The following DAPK1 variants were observed in gnomAD, a reference collection of about 807,000 sequenced individuals.
The protein encoded by DAPK1 is death associated protein kinase 1.
Under a neutral mutation model 144.9 loss-of-function variants are expected in DAPK1, and 56 were observed. The observed-to-expected ratio is 0.39, with a 90% CI of 0.31 to 0.48. DAPK1 has a LOEUF of 0.48. DAPK1 is among the 20% of genes least tolerant of loss of function. The probability of loss-of-function intolerance (pLI) is 0.95; values close to 1 mark genes in which losing one functional copy is unlikely to be tolerated. For synonymous variants in DAPK1, 690 were observed against 749.0 expected (o/e 0.92, Z 1.29); for missense variants, 1,454 against 1,875.4 (o/e 0.78, Z 4.15).
chr9:87,708,069 G>C lies in DAPK1; in HGVS notation c.*705G>C. On this transcript the variant is annotated 3_prime_UTR_variant, in exon 26 of 26. Coordinates refer to ENST00000408954, the MANE Select transcript of DAPK1 (RefSeq NM_004938.4). Reference sequence around the variant, plus strand: ...TTTTCTGTTTTGTTTGGCAAGGAAAGGGGAGAAGGGAATCCTCCTCCAGGG... The same window carrying C: ...TTTTCTGTTTTGTTTGGCAAGGAAACGGGAGAAGGGAATCCTCCTCCAGGG... 1 of 302,550 alleles carries C rather than the reference G, an allele frequency of 3.3e-6. No individual in the cohort carries two copies. Among genetic ancestry groups the C allele is most frequent in the East Asian group, 8.8e-5 (1 of 11,344 alleles). 18.7% of individuals were successfully genotyped at this position (302,550 alleles called of 1,614,324 possible).
Position 87,660,366 on chromosome 9 carries a change from G to A in DAPK1, c.1923+2239G>A, listed in dbSNP as rs543665082. Reference sequence around the variant, plus strand: ...AAACGTGACCACACCACATCCCTCGGTTTAAGTTTCCTAGCAGCCACATGG... The same window carrying A: ...AAACGTGACCACACCACATCCCTCGATTTAAGTTTCCTAGCAGCCACATGG... On this transcript the variant is annotated intron_variant, in intron 18 of 25. Transcript: ENST00000408954. Among the ~76,000 whole-genome samples, 274 of 152,206 alleles carry A rather than the reference G, an allele frequency of 1.8e-3. 1 individual carries two copies. The highest frequency in any genetic ancestry group is 6.2e-3 in the African/African-American group (259 of 41,538).
chr9:87,592,101 G>T (rs36206045), intron 2 of DAPK1, among the ~76,000 whole-genome samples: 2 of 152,134 alleles, frequency 1.3e-5, no homozygotes, highest in Admixed American at 6.5e-5. Context: ...CAGTGTTTCC[G>T]TATCACTGCA....
chr9:87,662,560 GTTTTTTTTT>G (rs71507734), intron 18 of DAPK1, among the ~76,000 whole-genome samples: 11 of 32,136 alleles, frequency 3.4e-4, no homozygotes, highest in East Asian at 2.8e-3. Flanking sequence ...TATATTCCTA[GTTTTTTTTT>G]TTTTTTTTTT....
chr9:87,613,235 A>G (rs953355086), intron 3 of DAPK1, among the ~76,000 whole-genome samples: 1 of 152,212 alleles, frequency 6.6e-6, no homozygotes, highest in African/African-American at 2.4e-5. Context: ...CATACAGTTT[A>G]CCATCTTAAC....
At chr9:87,613,228 A>G (rs1828988626) in intron 3 of DAPK1, among the ~76,000 whole-genome samples, 1 of 152,244 alleles carries the variant, frequency 6.6e-6, no homozygotes, top group Admixed American at 6.5e-5. Context: ...AAAACAACAT[A>G]CAGTTTACCA....
chr9:87,570,775 A>C (rs1197223958), intron 2 of DAPK1, among the ~76,000 whole-genome samples: 1 of 138,344 alleles, frequency 7.2e-6, no homozygotes, highest in Admixed American at 7.7e-5. Context: ...GATTCCCCAG[A>C]TTTCAGGAAC....
Position 87,648,888 on chromosome 9 carries a change from T to A in DAPK1, c.1428+9T>A, listed in dbSNP as rs372610033. ...CCAATATCCAGGACAAGGTGGGTCG[T>A]GACTGACATCCTCCCTTCCTCTGCT... is the stretch of plus-strand genomic sequence containing the variant. On this transcript the variant is annotated intron_variant, in intron 15 of 25. Coordinates refer to ENST00000408954, the MANE Select transcript of DAPK1 (RefSeq NM_004938.4). The A allele has an allele frequency of 6.2e-7, 1 of 1,610,406 alleles. No individual in the cohort carries two copies. The highest frequency in any genetic ancestry group is 1.3e-5 in the African/African-American group (1 of 74,986).
At chr9:87,610,764 A>G (rs1828894756) in intron 3 of DAPK1, among the ~76,000 whole-genome samples, 2 of 152,248 alleles carry the variant, frequency 1.3e-5, no homozygotes, top group Admixed American at 6.5e-5. Flanking sequence ...GACAGCCACC[A>G]ATCAGTTGAT....
At chr9:87,571,254 T>C (rs1487138505) in intron 2 of DAPK1, among the ~76,000 whole-genome samples, 1 of 152,034 alleles carries the variant, frequency 6.6e-6, no homozygotes, top group African/African-American at 2.4e-5. Context: ...TGTTTCTCTC[T>C]GCAGAGTCAG....
chr9:87,527,052 G>T lies in DAPK1; in HGVS notation c.62+27913G>T, dbSNP rs36230222. On this transcript the variant is annotated intron_variant, in intron 2 of 25. Transcript: ENST00000408954. ...TGACTGTGAAAGAGGACACCTGAAGGTGAAGGACCCATGACATTGTTAATT... is the reference window on the plus strand; with the variant it reads ...TGACTGTGAAAGAGGACACCTGAAGTTGAAGGACCCATGACATTGTTAATT... 3.2e-3 allele frequency among the ~76,000 whole-genome samples: 483 copies of T among 152,322 alleles called. 2 individuals are homozygous for T. Among genetic ancestry groups the T allele is most frequent in the African/African-American group, 0.011 (448 of 41,570 alleles).
intron 18 of DAPK1, among the ~76,000 whole-genome samples, chr9:87,665,424 A>G (rs552080413): frequency 6.6e-6 from 1 of 152,348 alleles, no homozygotes; most frequent in Non-Finnish European, 1.5e-5. Flanking sequence ...ATAATTCTGT[A>G]GGTTAACAAA....
At chr9:87,527,105 T>G (rs906815948) in intron 2 of DAPK1, among the ~76,000 whole-genome samples, 1 of 152,182 alleles carries the variant, frequency 6.6e-6, no homozygotes, top group Non-Finnish European at 1.5e-5. Flanking sequence ...GGAAACAAAA[T>G]TCCATAAACA....
chr9:87,698,856 A>T, intron 23 of DAPK1, 62 bp downstream of exon 23: 1 of 1,036,730 alleles, frequency 9.6e-7, no homozygotes, highest in Non-Finnish European at 1.5e-6. Flanking sequence ...GAACTGAAGC[A>T]GAGGTGTGAA....
chr9:87,552,690 T>TA (rs1222086444), intron 2 of DAPK1, among the ~76,000 whole-genome samples: 1 of 152,092 alleles, frequency 6.6e-6, no homozygotes, highest in East Asian at 1.9e-4. Flanking sequence ...CTTCTGGGCT[T>TA]AGGTGATCCT....
rs180983599 is a variant in DAPK1, at chr9:87,526,782, A to C, written c.62+27643A>C. Among the ~76,000 whole-genome samples the C allele has an allele frequency of 1.8e-3, 270 of 152,336 alleles. 2 individuals are homozygous for C. Among genetic ancestry groups the C allele is most frequent in the African/African-American group, 6.3e-3 (261 of 41,568 alleles). ...GTCGCCGTGCCCAAGTCTGATTGAC[A>C]GCTAACCATTCAGCCATCCTTGGTT... On this transcript the variant is annotated intron_variant, in intron 2 of 25. Coordinates refer to ENST00000408954, the MANE Select transcript of DAPK1 (RefSeq NM_004938.4).
chr9:87,630,290 A>G (rs1481144238), intron 3 of DAPK1, among the ~76,000 whole-genome samples: 1 of 152,236 alleles, frequency 6.6e-6, no homozygotes, highest in African/African-American at 2.4e-5. Flanking sequence ...TATAAAATGT[A>G]TTACATTATT....
intron 6 of DAPK1, 40 bp from the exon 7 acceptor site, chr9:87,639,749 C>A: frequency 6.2e-7 from 1 of 1,612,448 alleles, no homozygotes; most frequent in Non-Finnish European, 8.5e-7. Context: ...TTTGACTATT[C>A]TTCTGACATG....
chr9:87,641,904 A>T (rs1830109427), intron 9 of DAPK1, 65 bp from the exon 10 acceptor site: 1 of 1,328,532 alleles, frequency 7.5e-7, no homozygotes, highest in Non-Finnish European at 1.1e-6. Flanking sequence ...GTTTCAAAAA[A>T]TTGTCATATA....
At chr9:87,631,944 A>G (rs1430595384) in intron 3 of DAPK1, 2 of 439,024 alleles carry the variant, frequency 4.6e-6, no homozygotes, top group Non-Finnish European at 6.1e-6. Context: ...ATCTGCCTTC[A>G]TGAATTGGCA....
Sources: gnomAD v4.1 joint callset for allele counts (sites outside exome capture counted in the v4.1 genomes callset) on GRCh38, gnomAD v4.1.1 for gene constraint, MANE v1.5 for transcripts, NCBI Gene and HGNC (gene_info 2026-07-23, HGNC 2026-07-21) for gene names.